ABHD18: variants seen among roughly 807,000 people sequenced by gnomAD.
The protein encoded by ABHD18 is cardiolipin-specific deacylase, mitochondrial.
A neutral mutation model predicts 65.9 loss-of-function variants in ABHD18; 55 were observed. That is an observed-to-expected ratio of 0.84 (90% CI 0.67 to 1.05). The LOEUF (loss-of-function observed/expected upper bound fraction) is 1.05. Among genes scored for constraint, ABHD18 ranks in the 50% least tolerant of loss-of-function variants. The pLI, the probability that ABHD18 is intolerant of heterozygous loss-of-function variation, is 0.00. For missense variants in ABHD18, 533 were observed against 558.5 expected (o/e 0.95, Z 0.46); for synonymous variants, 181 against 180.2 (o/e 1.00, Z -0.04).
chr4:128,011,560 A>G, intron 6 of ABHD18, 113 bp from the exon 7 acceptor site: 1 of 632,930 alleles, frequency 1.6e-6, no homozygotes, highest in Non-Finnish European at 2.5e-6. Context: ...TAAGATAATT[A>G]GAATGGAGTT....
intron 1 of ABHD18, among the ~76,000 whole-genome samples, chr4:127,970,951 T>G (rs980750691): frequency 6.6e-6 from 1 of 151,976 alleles, no homozygotes; most frequent in African/African-American, 2.4e-5. Context: ...GGTACATGCC[T>G]GTAATCCCAG....
intron 12 of ABHD18, among the ~76,000 whole-genome samples, chr4:128,033,478 A>G (rs1009690417): frequency 2.0e-5 from 3 of 150,006 alleles, no homozygotes; most frequent in African/African-American, 7.4e-5. Context: ...TTCCCAACAT[A>G]TTGGAAATAA....
chr4:128,018,384 T>C (rs969281769), intron 8 of ABHD18, among the ~76,000 whole-genome samples: 1 of 152,140 alleles, frequency 6.6e-6, no homozygotes, highest in African/African-American at 2.4e-5. Context: ...GTGCTGGGAT[T>C]ATAGGTGTGG....
rs558028883 is a variant in ABHD18, at chr4:128,005,919, G to A, written c.279-3001G>A. 4.6e-5 allele frequency among the ~76,000 whole-genome samples: 7 copies of A among 152,278 alleles called. No individual in the cohort carries two copies. In the South Asian group the frequency reaches 1.5e-3, roughly 32 times the overall value. On this transcript the variant is annotated intron_variant, in intron 4 of 12. Transcript: ENST00000645843. ...GTCTGGCCTCCTCATTTCTCATACAGCTAACAAAACATAGCTACCACAGCC... is the reference window on the plus strand; with the variant it reads ...GTCTGGCCTCCTCATTTCTCATACAACTAACAAAACATAGCTACCACAGCC...
At chr4:127,976,427 T>G (rs1310162623) in intron 1 of ABHD18, among the ~76,000 whole-genome samples, 1 of 152,202 alleles carries the variant, frequency 6.6e-6, no homozygotes, top group Non-Finnish European at 1.5e-5. Flanking sequence ...TTTTATGACA[T>G]TTTGAATTTC....
In ABHD18 at chr4:128,011,741, A is replaced by G. The variant is rs1754616964; in HGVS notation, c.470+41A>G. The stretch of plus-strand genomic sequence containing the variant: ...TTTCATTTTTGCAGTCTTTTTACCC[A>G]ATATCCAGCAGTATTAAAATTTTGG... On this transcript the variant is annotated intron_variant, in intron 7 of 12. Coordinates refer to ENST00000645843, the MANE Select transcript of ABHD18 (RefSeq NM_001358451.3). 3 of 1,486,134 alleles carry G rather than the reference A, an allele frequency of 2.0e-6. No homozygotes were observed. In the East Asian group the frequency reaches 7.8e-5, roughly 39 times the overall value. The allele number at this position is 1,486,134 out of a possible 1,614,324, so 92.1% of individuals were successfully genotyped here.
At chr4:127,982,507 A>G (rs1385872240) in intron 1 of ABHD18, among the ~76,000 whole-genome samples, 1 of 152,126 alleles carries the variant, frequency 6.6e-6, no homozygotes, top group African/African-American at 2.4e-5. Context: ...TATACTCTCT[A>G]TGCCTCAGTT....
At position 127,974,317 on chromosome 4, in the gene ABHD18, C is replaced by A. The variant is rs185812349; in HGVS notation, c.-17-8622C>A. Reference sequence around the variant, plus strand: ...GGCTCAAGCTATCCTCCTACCTCAGCCTTTTGAGTAGCTGGGACTACAGGC... The same window carrying A: ...GGCTCAAGCTATCCTCCTACCTCAGACTTTTGAGTAGCTGGGACTACAGGC... On this transcript the variant is annotated intron_variant, in intron 1 of 12. Coordinates refer to ENST00000645843, the MANE Select transcript of ABHD18 (RefSeq NM_001358451.3). Among the ~76,000 whole-genome samples the A allele has an allele frequency of 9.1e-4, 138 of 150,886 alleles. 1 individual carries two copies. The highest frequency in any genetic ancestry group is 1.2e-4 in the Non-Finnish European group (8 of 67,808).
intron 1 of ABHD18, among the ~76,000 whole-genome samples, chr4:127,977,733 T>C (rs1162101108): frequency 6.6e-6 from 1 of 152,152 alleles, no homozygotes; most frequent in Non-Finnish European, 1.5e-5. Flanking sequence ...TTTCCAATTC[T>C]AATACAAAAC....
chr4:128,034,943 C>T (rs1349939021), intron 12 of ABHD18, among the ~76,000 whole-genome samples: 7 of 152,176 alleles, frequency 4.6e-5, no homozygotes, highest in East Asian at 1.9e-4. Flanking sequence ...TGAGCCATCG[C>T]GCCCGGCCTG....
intron 1 of ABHD18, among the ~76,000 whole-genome samples, chr4:127,980,825 C>CAAAAAAAA (rs768450115): frequency 2.1e-4 from 10 of 46,552 alleles, no homozygotes; most frequent in African/African-American, 6.3e-4. Context: ...GACTGCATCT[C>CAAAAAAAA]AAAAAAAAAA....
intron 4 of ABHD18, among the ~76,000 whole-genome samples, chr4:128,002,161 G>A (rs1429622689): frequency 6.6e-6 from 1 of 152,088 alleles, no homozygotes. Context: ...TGTAATCTCA[G>A]CTACTCTGCA....
chr4:127,991,373 C>T (rs1414433702), intron 4 of ABHD18, among the ~76,000 whole-genome samples: 1 of 151,894 alleles, frequency 6.6e-6, no homozygotes, highest in Non-Finnish European at 1.5e-5. Flanking sequence ...ATTATAGGCA[C>T]CCACCACACC....
chr4:128,020,108 C>G lies in ABHD18; in HGVS notation c.638C>G (p.Pro213Arg). 6.2e-7 allele frequency: 1 copy of G among 1,613,578 alleles called. No homozygotes were observed. Among genetic ancestry groups the G allele is most frequent in the Non-Finnish European group, 8.5e-7 (1 of 1,179,640 alleles). ...HMASLAVSNWPKPMPLIPCLS... is the reference protein window; with the variant it reads ...HMASLAVSNWRKPMPLIPCLS... ...GCTTCCTTAGCGGTATCCAACTGGC[C>G]TAAGCCCATGCCATTGATTCCATGC... The change falls in exon 9 of 13, where the codon CCT becomes CGT. Residue 213 changes from proline to arginine, a missense_variant. Transcript: ENST00000645843.
Position 128,037,279 on chromosome 4 carries a change from G to A in ABHD18, c.*1466G>A, listed in dbSNP as rs1420631729. ...CCACTGCACTCCAGCCTAGGAGAAGGAGCAAGACTCTGTCTCAAAACAAAA... is the reference window on the plus strand; with the variant it reads ...CCACTGCACTCCAGCCTAGGAGAAGAAGCAAGACTCTGTCTCAAAACAAAA... On this transcript the variant is annotated 3_prime_UTR_variant, in exon 13 of 13. Transcript: ENST00000645843. 6.6e-6 allele frequency: 1 copy of A among 152,124 alleles called. No homozygotes were observed. The highest frequency in any genetic ancestry group is 1.5e-5 in the Non-Finnish European group (1 of 68,074). The allele number at this position is 152,124 out of a possible 1,614,324, so 9.4% of individuals were successfully genotyped here. A position where few individuals can be genotyped will look rare whatever the true frequency, so the allele number is the denominator to read the frequency against.
intron 7 of ABHD18, among the ~76,000 whole-genome samples, chr4:128,013,373 A>G (rs1754906263): frequency 6.6e-6 from 1 of 152,062 alleles, no homozygotes; most frequent in African/African-American, 2.4e-5. Context: ...AAATAATAGG[A>G]CTTGTGTATG....
At chr4:128,030,386 A>G (rs1579474328) in intron 11 of ABHD18, 124 bp from the exon 12 acceptor site, 1 of 611,124 alleles carries the variant, frequency 1.6e-6, no homozygotes, top group Non-Finnish European at 2.6e-6. Flanking sequence ...AAGGTAGCAT[A>G]TTATAGTTGA....
At chr4:127,998,678 C>T (rs763542465) in intron 4 of ABHD18, among the ~76,000 whole-genome samples, 6 of 151,864 alleles carry the variant, frequency 4.0e-5, no homozygotes, top group Non-Finnish European at 8.8e-5. Flanking sequence ...AGCTCTAATT[C>T]TTCAGGTCTT....
At chr4:127,997,327 C>T (rs1294782136) in intron 4 of ABHD18, among the ~76,000 whole-genome samples, 1 of 152,190 alleles carries the variant, frequency 6.6e-6, no homozygotes, top group Non-Finnish European at 1.5e-5. Flanking sequence ...CACAATCTTA[C>T]TGTACTCTCT....
Sources: gnomAD v4.1 joint callset for allele counts (sites outside exome capture counted in the v4.1 genomes callset) on GRCh38, gnomAD v4.1.1 for gene constraint, MANE v1.5 for transcripts, NCBI Gene and HGNC (gene_info 2026-07-23, HGNC 2026-07-21) for gene names.